Variants in ST7 observed in about 807,000 individuals in gnomAD.
ST7 encodes suppressor of tumorigenicity 7 protein.
A neutral mutation model predicts 78.7 loss-of-function variants in ST7; 28 were observed. That is an observed-to-expected ratio of 0.36 (90% confidence interval 0.26 to 0.49). ST7 has a LOEUF of 0.49. ST7 is among the 20% of genes least tolerant of loss of function. ST7 has a pLI of 0.99. For missense variants in ST7, 418 were observed against 696.0 expected (o/e 0.60, Z 4.49); for synonymous variants, 247 against 249.6 (o/e 0.99, Z 0.10).
chr7:116,995,654 T>G lies in ST7; in HGVS notation c.151+41963T>G, dbSNP rs1382971920. On this transcript the variant is annotated intron_variant, in intron 1 of 15. Transcript: ENST00000323984. The stretch of plus-strand genomic sequence containing the variant: ...GCTTGCCCCTTCCTCATTCCTGCTA[T>G]TCAGCTCCTGATATGGATCATAACT... 2.0e-5 allele frequency among the ~76,000 whole-genome samples: 3 copies of G among 152,184 alleles called. No homozygotes were observed. In the East Asian group the frequency reaches 5.8e-4, roughly 29 times the overall value.
rs1563079085 is a variant in ST7, at chr7:117,097,910, T to TA, written c.152-1852_152-1851insA. Among the ~76,000 whole-genome samples, 44 of 13,726 alleles carry TA rather than the reference T, an allele frequency of 3.2e-3. 2 individuals carry two copies. The highest frequency in any genetic ancestry group is 0.014 in the East Asian group (3 of 210). 9.0% of individuals were successfully genotyped at this position (13,726 alleles called of 152,430 possible). ...TATATATATATATATATATATATAT[T>TA]TTTTTTTTTTTTTTTTTTGATGGCC... On this transcript the variant is annotated intron_variant, in intron 1 of 15. Transcript: ENST00000323984.
intron 1 of ST7, among the ~76,000 whole-genome samples, chr7:116,961,697 T>C (rs1362521581): frequency 6.6e-6 from 1 of 151,986 alleles, no homozygotes; most frequent in African/African-American, 2.4e-5. Context: ...TGATTTTATA[T>C]CCTGAGACTT....
At chr7:117,071,271 C>T (rs1468061901) in intron 1 of ST7, among the ~76,000 whole-genome samples, 1 of 152,058 alleles carries the variant, frequency 6.6e-6, no homozygotes, top group African/African-American at 2.4e-5. Context: ...CTAAAAGCTC[C>T]ATCTTTAAAT....
At chr7:117,136,799 C>CA (rs1245356114) in intron 8 of ST7, 1 of 152,464 alleles carries the variant, frequency 6.6e-6, no homozygotes, top group Non-Finnish European at 1.5e-5. Flanking sequence ...TTAAACTCCC[C>CA]AAAAAACGCC....
intron 3 of ST7, among the ~76,000 whole-genome samples, chr7:117,122,782 T>G (rs1159821483): frequency 6.6e-6 from 1 of 152,222 alleles, no homozygotes; most frequent in Non-Finnish European, 1.5e-5. Context: ...AAGTGCCAGA[T>G]ACCACTGGAA....
intron 9 of ST7, among the ~76,000 whole-genome samples, chr7:117,165,919 G>A (rs1322178148): frequency 6.6e-6 from 1 of 152,110 alleles, no homozygotes; most frequent in East Asian, 1.9e-4. Flanking sequence ...CGTGTGAAGT[G>A]GCTAGAAGTG....
rs554056490 is a variant in ST7, at chr7:116,983,965, C to G, written c.151+30274C>G. Reference sequence around the variant, plus strand: ...TTAAGCTAAGCTCTCATCTATTTGTCACATCCTTTGGTTCTTAAGGTGATA... The same window carrying G: ...TTAAGCTAAGCTCTCATCTATTTGTGACATCCTTTGGTTCTTAAGGTGATA... On this transcript the variant is annotated intron_variant, in intron 1 of 15. Coordinates refer to ENST00000323984, the MANE Select transcript of ST7 (RefSeq NM_001369598.1). Among the ~76,000 whole-genome samples the G allele has an allele frequency of 1.2e-4, 19 of 152,262 alleles. 1 individual carries two copies. Among genetic ancestry groups the G allele is most frequent in the African/African-American group, 3.4e-4 (14 of 41,552 alleles).
intron 1 of ST7, among the ~76,000 whole-genome samples, chr7:116,978,998 G>A (rs1055476203): frequency 7.2e-5 from 11 of 152,204 alleles, no homozygotes; most frequent in African/African-American, 1.4e-4. Context: ...GGATAGCACA[G>A]TACCCTGGAG....
chr7:116,973,874 A>G (rs542125949), intron 1 of ST7, among the ~76,000 whole-genome samples: 3 of 152,372 alleles, frequency 2.0e-5, no homozygotes, highest in East Asian at 3.9e-4. Flanking sequence ...CCATTTTACC[A>G]TAAATAGGTA....
At chr7:117,017,707 AC>A (rs201641524) in intron 1 of ST7, among the ~76,000 whole-genome samples, 2 of 152,268 alleles carry the variant, frequency 1.3e-5, no homozygotes, top group African/African-American at 4.8e-5. Flanking sequence ...TTTTCTTTAG[AC>A]AACATATTAA....
chr7:116,971,592 T>A (rs1793425398), intron 1 of ST7, among the ~76,000 whole-genome samples: 1 of 152,184 alleles, frequency 6.6e-6, no homozygotes, highest in African/African-American at 2.4e-5. Context: ...CACATTTTTG[T>A]TTGTTTTTGT....
intron 1 of ST7, among the ~76,000 whole-genome samples, chr7:117,075,246 G>A (rs1476930079): frequency 6.6e-6 from 1 of 152,020 alleles, no homozygotes; most frequent in Non-Finnish European, 1.5e-5. Flanking sequence ...AAGTTCATAA[G>A]CACTCATAGT....
chr7:116,971,424 A>G (rs1208195149), intron 1 of ST7, among the ~76,000 whole-genome samples: 1 of 152,188 alleles, frequency 6.6e-6, no homozygotes, highest in Non-Finnish European at 1.5e-5. Flanking sequence ...TAAGGGTCAC[A>G]TGATCCATTC....
At chr7:117,031,868 ATC>A (rs1365133713) in intron 1 of ST7, among the ~76,000 whole-genome samples, 3,148 of 57,924 alleles carry the variant, frequency 0.054, 274 homozygotes, top group Non-Finnish European at 0.064. Context: ...CTATCTATCT[ATC>A]TATATATATA....
At chr7:117,173,751 C>G (rs904684832) in intron 10 of ST7, among the ~76,000 whole-genome samples, 1 of 152,156 alleles carries the variant, frequency 6.6e-6, no homozygotes, top group Non-Finnish European at 1.5e-5. Context: ...TTGGAATGCT[C>G]TGGTTGGGTA....
At chr7:117,007,456 T>G (rs1467764868) in intron 1 of ST7, among the ~76,000 whole-genome samples, 1 of 152,054 alleles carries the variant, frequency 6.6e-6, no homozygotes, top group Non-Finnish European at 1.5e-5. Flanking sequence ...CTAGCAGAGG[T>G]TGGTTTATTT....
chr7:117,065,356 C>T (rs1798580238), intron 1 of ST7, among the ~76,000 whole-genome samples: 1 of 151,840 alleles, frequency 6.6e-6, no homozygotes, highest in Non-Finnish European at 1.5e-5. Flanking sequence ...TTACAGGCAC[C>T]CGCCACCATG....
At chr7:117,049,316 A>G (rs1797650312) in intron 1 of ST7, among the ~76,000 whole-genome samples, 1 of 152,060 alleles carries the variant, frequency 6.6e-6, no homozygotes, top group East Asian at 1.9e-4. Context: ...TCAGGTAGGT[A>G]TCCTTTCTCT....
intron 9 of ST7, among the ~76,000 whole-genome samples, chr7:117,159,281 A>G (rs1344176816): frequency 6.6e-6 from 1 of 152,178 alleles, no homozygotes; most frequent in East Asian, 1.9e-4. Flanking sequence ...AGATTCTTCC[A>G]TTGAAATAAA....
Sources: gnomAD v4.1 joint callset for allele counts (sites outside exome capture counted in the v4.1 genomes callset) on GRCh38, gnomAD v4.1.1 for gene constraint, MANE v1.5 for transcripts, NCBI Gene and HGNC (gene_info 2026-07-23, HGNC 2026-07-21) for gene names.